The following CSMD2 variants were observed in gnomAD, a reference collection of about 807,000 sequenced individuals.
CSMD2 encodes CUB and sushi domain-containing protein 2.
Under a neutral mutation model 398.5 loss-of-function variants are expected in CSMD2, and 130 were observed. That is an observed-to-expected ratio of 0.33 (90% CI 0.28 to 0.38). CSMD2 has a LOEUF of 0.38. Ranked by LOEUF, CSMD2 falls within the 10% of genes least tolerant of loss-of-function variation. The probability of loss-of-function intolerance (pLI) is 1.00; values close to 1 mark genes in which losing one functional copy is unlikely to be tolerated. For missense variants in CSMD2, 3,829 were observed against 4,764.9 expected (o/e 0.80, Z 5.78); for synonymous variants, 1,828 against 1,908.5 (o/e 0.96, Z 1.10).
intron 5 of CSMD2, among the ~76,000 whole-genome samples, chr1:33,889,309 A>T (rs79535480): frequency 0.028 from 4,333 of 152,294 alleles, 204 homozygotes; most frequent in African/African-American, 0.097. Context: ...GTGACCATGG[A>T]CATATGAAGA....
intron 2 of CSMD2, among the ~76,000 whole-genome samples, chr1:34,045,038 T>TAC (rs10588687): frequency 0.016 from 2,342 of 142,800 alleles, 34 homozygotes; most frequent in East Asian, 0.072. Context: ...TCACACACCA[T>TAC]ACACACACAC....
intron 2 of CSMD2, among the ~76,000 whole-genome samples, chr1:34,064,696 C>T (rs1340919271): frequency 6.6e-6 from 1 of 152,214 alleles, no homozygotes; most frequent in Non-Finnish European, 1.5e-5. Context: ...GTTGCTTCCA[C>T]ATTTTCGGGT....
At position 33,646,744 on chromosome 1, in the gene CSMD2, G is replaced by A. The variant is rs781212299; in HGVS notation, c.4678C>T (p.Leu1560Phe). ...CTGCTGCTTTCAATGCGGCCTGGGA[G>A]CTGGGAGCCATAGAAGCTTCCTATG... Reference protein sequence around the residue: ...PLIGSFYGSQLPGRIESSSNS... With the variant: ...PLIGSFYGSQFPGRIESSSNS... Residue 1560 changes from leucine (L) to phenylalanine (F), a missense_variant, in exon 29 of 71, where the codon CTC (leucine) becomes TTC (phenylalanine). By Grantham distance (22) the Leu-to-Phe change is conservative (BLOSUM62 0). Around this residue, in one of 5 missense-constraint regions of CSMD2, gnomAD observed 2,001 missense variants for 2,567.1 expected, o/e 0.78. Transcript: ENST00000373381. 1.9e-6 allele frequency: 3 copies of A among 1,614,176 alleles called. No individual in the cohort carries two copies. Among genetic ancestry groups the A allele is most frequent in the Middle Eastern group, 1.7e-4 (1 of 6,054 alleles).
intron 4 of CSMD2, among the ~76,000 whole-genome samples, chr1:33,922,719 C>G (rs1449261674): frequency 6.6e-6 from 1 of 152,110 alleles, no homozygotes; most frequent in Admixed American, 6.5e-5. Context: ...ATCCTCAACT[C>G]CTCCCACACC....
rs760135127 is a variant in CSMD2, at chr1:33,743,454, G to A, written c.1999C>T (p.Pro667Ser). 40 of 1,614,062 alleles carry A rather than the reference G, an allele frequency of 2.5e-5. No individual in the cohort carries two copies. Among genetic ancestry groups the A allele is most frequent in the Admixed American group, 3.3e-5 (2 of 60,008 alleles). The change falls in exon 14 of 71, where the codon CCT becomes TCT. Residue 667 changes from proline (P) to serine (S), a missense_variant. Pro to Ser is a moderately conservative substitution (Grantham distance 74). Transcript: ENST00000373381. ...TTGATGACCAGGAAATCAAACTGAGGCTCCACGTCAATGTCGTTGAAGGCC... is the reference window on the plus strand; with the variant it reads ...TTGATGACCAGGAAATCAAACTGAGACTCCACGTCAATGTCGTTGAAGGCC... ...HLAFNDIDVE[P>S]QFDFLVIKDG...
chr1:33,751,213 A>C (rs1369235124), intron 13 of CSMD2, among the ~76,000 whole-genome samples: 1 of 152,174 alleles, frequency 6.6e-6, no homozygotes, highest in Non-Finnish European at 1.5e-5. Context: ...TTGGGAAAAA[A>C]AAAAAAGATG....
intron 43 of CSMD2, among the ~76,000 whole-genome samples, chr1:33,601,953 C>T (rs138421298): frequency 1.0e-3 from 153 of 152,362 alleles, no homozygotes; most frequent in Non-Finnish European, 1.5e-3. Flanking sequence ...AGTGCTGGCT[C>T]AGCACCAGAT....
At position 33,743,458 on chromosome 1, in the gene CSMD2, C is replaced by T; in HGVS notation, c.1995G>A (p.Val665=). ...RIHLAFNDID[V]EPQFDFLVIK... Reference sequence around the variant, plus strand: ...TGACCAGGAAATCAAACTGAGGCTCCACGTCAATGTCGTTGAAGGCCAGGT... The same window carrying T: ...TGACCAGGAAATCAAACTGAGGCTCTACGTCAATGTCGTTGAAGGCCAGGT... The change falls in exon 14 of 71, where the codon GTG becomes GTA. Residue 665 remains valine (V), a synonymous_variant. Transcript: ENST00000373381. The T allele has an allele frequency of 1.2e-6, 2 of 1,614,218 alleles. No homozygotes were observed. Among genetic ancestry groups the T allele is most frequent in the Non-Finnish European group, 1.7e-6 (2 of 1,180,038 alleles).
chr1:33,929,296 C>T lies in CSMD2; in HGVS notation c.712+6464G>A, dbSNP rs189616690. On this transcript the variant is annotated intron_variant, in intron 4 of 70. Coordinates refer to ENST00000373381, the MANE Select transcript of CSMD2 (RefSeq NM_001281956.2). ...CCTGGTTGCCCATAATAGCTGCCTC[C>T]TAACTGATCTTCTTATTGTGGCTCT... Among the ~76,000 whole-genome samples, 397 of 152,254 alleles carry T rather than the reference C, an allele frequency of 2.6e-3. 2 individuals carry two copies. Among genetic ancestry groups the T allele is most frequent in the African/African-American group, 9.0e-3 (373 of 41,528 alleles).
chr1:33,821,241 C>T (rs1041973843), intron 7 of CSMD2, among the ~76,000 whole-genome samples: 5 of 152,160 alleles, frequency 3.3e-5, no homozygotes, highest in Admixed American at 1.3e-4. Flanking sequence ...CACTTGCCAG[C>T]GCCAGAGTCC....
At chr1:33,693,998 G>T (rs1571245933) in intron 24 of CSMD2, among the ~76,000 whole-genome samples, 2 of 152,198 alleles carry the variant, frequency 1.3e-5, no homozygotes, top group Admixed American at 1.3e-4. Context: ...GGTGGAGGTT[G>T]TGGTGAACCG....
intron 5 of CSMD2, among the ~76,000 whole-genome samples, chr1:33,873,248 T>C (rs533441218): frequency 1.3e-5 from 2 of 152,228 alleles, no homozygotes; most frequent in African/African-American, 4.8e-5. Context: ...TGATTGCATT[T>C]TGTGTGTGGA....
At chr1:33,950,745 C>T (rs959834296) in intron 3 of CSMD2, among the ~76,000 whole-genome samples, 1 of 152,174 alleles carries the variant, frequency 6.6e-6, no homozygotes, top group Non-Finnish European at 1.5e-5. Flanking sequence ...GGGAGCTGCA[C>T]TCCACACTCT....
intron 4 of CSMD2, among the ~76,000 whole-genome samples, chr1:33,930,411 C>T (rs903399997): frequency 3.3e-5 from 5 of 152,220 alleles, no homozygotes; most frequent in Admixed American, 3.3e-4. Flanking sequence ...CTGCAGGTTT[C>T]TTCCCCTGGG....
At chr1:33,784,883 C>T (rs910292696) in intron 12 of CSMD2, among the ~76,000 whole-genome samples, 3 of 152,280 alleles carry the variant, frequency 2.0e-5, no homozygotes, top group South Asian at 2.1e-4. Context: ...TTGTACAAGT[C>T]GGGGAACTGA....
At chr1:33,878,144 G>C (rs1164473196) in intron 5 of CSMD2, 3 of 152,250 alleles carry the variant, frequency 2.0e-5, no homozygotes, top group Non-Finnish European at 1.5e-5. Flanking sequence ...CCATGTATTT[G>C]TTCAGCAAAT....
intron 37 of CSMD2, among the ~76,000 whole-genome samples, chr1:33,620,774 C>T (rs896127708): frequency 6.6e-6 from 1 of 151,092 alleles, no homozygotes; most frequent in African/African-American, 2.4e-5. Context: ...CTACCCTTTA[C>T]CCTGCAGGGT....
At chr1:33,590,265 A>C (rs1422667713) in intron 44 of CSMD2, among the ~76,000 whole-genome samples, 1 of 142,472 alleles carries the variant, frequency 7.0e-6, no homozygotes, top group Non-Finnish European at 1.5e-5. Context: ...GGGACTACAG[A>C]CTCATGCCAC....
intron 25 of CSMD2, among the ~76,000 whole-genome samples, chr1:33,680,327 A>AT (rs1238480017): frequency 6.6e-6 from 1 of 152,008 alleles, no homozygotes; most frequent in African/African-American, 2.4e-5. Context: ...GCCTTGCAAT[A>AT]TGAATGTTTC....
Sources: gnomAD v4.1 joint callset for allele counts (sites outside exome capture counted in the v4.1 genomes callset) on GRCh38, gnomAD v4.1.1 for gene constraint, gnomAD v4.1.1 regional missense constraint, MANE v1.5 for transcripts, NCBI Gene and HGNC (gene_info 2026-07-23, HGNC 2026-07-21) for gene names.